Variants in CALCR observed in about 807,000 individuals in gnomAD.
The protein encoded by CALCR is calcitonin receptor.
In CALCR, 47 loss-of-function variants were observed where a neutral mutation model predicts 59.5. The observed-to-expected ratio is 0.79, with a 90% CI of 0.63 to 1.01. The LOEUF is 1.01. CALCR is among the 50% of genes least tolerant of loss of function. CALCR has a pLI of 0.00. For synonymous variants in CALCR, 213 were observed against 211.3 expected, an observed-to-expected ratio of 1.01 and a Z score of -0.07; for missense variants, 566 against 597.1, an observed-to-expected ratio of 0.95 and a Z score of 0.54.
intron 2 of CALCR, among the ~76,000 whole-genome samples, chr7:93,493,835 T>TA (rs1801138203): frequency 6.6e-6 from 1 of 151,350 alleles, no homozygotes; most frequent in Non-Finnish European, 1.5e-5. Flanking sequence ...AATTTGTGTC[T>TA]TTCTTGTTGA....
At chr7:93,462,454 T>C (rs1389900521) in intron 7 of CALCR, among the ~76,000 whole-genome samples, 3 of 152,124 alleles carry the variant, frequency 2.0e-5, no homozygotes, top group African/African-American at 7.2e-5. Flanking sequence ...AAATTACTTA[T>C]GTGAAACCTC....
chr7:93,541,876 T>C (rs1259227043), intron 2 of CALCR, among the ~76,000 whole-genome samples: 2 of 152,204 alleles, frequency 1.3e-5, no homozygotes, highest in Non-Finnish European at 2.9e-5. Flanking sequence ...GACAAATCTG[T>C]GATGTTTTTA....
chr7:93,472,154 G>A (rs750095080), intron 6 of CALCR, among the ~76,000 whole-genome samples: 14 of 151,768 alleles, frequency 9.2e-5, no homozygotes, highest in East Asian at 3.9e-4. Flanking sequence ...GTATGCTCAC[G>A]GAACTTCAAT....
intron 2 of CALCR, among the ~76,000 whole-genome samples, chr7:93,511,341 A>G (rs1801542406): frequency 6.6e-6 from 1 of 152,076 alleles, no homozygotes; most frequent in Non-Finnish European, 1.5e-5. Context: ...TTTTTATGTC[A>G]TATATATTTC....
intron 2 of CALCR, among the ~76,000 whole-genome samples, chr7:93,487,996 G>C (rs1423825305): frequency 6.6e-6 from 1 of 151,462 alleles, no homozygotes; most frequent in Non-Finnish European, 1.5e-5. Flanking sequence ...AAATATTAAG[G>C]GCAGCCAGAG....
At position 93,477,805 on chromosome 7, in the gene CALCR, A is replaced by C. The variant is rs1800699411; in HGVS notation, c.206-137T>G. ...AACCACATTTCAAACAAGCCAAGTC[A>C]TTTATTTTGGAAATAAAGTTTCAAA... is the stretch of plus-strand genomic sequence containing the variant. On this transcript the variant is annotated intron_variant, in intron 4 of 13. Transcript: ENST00000426151. The C allele has an allele frequency of 6.8e-6, 4 of 590,422 alleles. No individual in the cohort carries two copies. In the African/African-American group the frequency reaches 7.5e-5, roughly 11 times the overall value. 36.6% of individuals were successfully genotyped at this position (590,422 alleles called of 1,614,324 possible).
chr7:93,449,171 CTAATGAT>C (rs1800060830), intron 8 of CALCR, among the ~76,000 whole-genome samples: 1 of 151,998 alleles, frequency 6.6e-6, no homozygotes, highest in Non-Finnish European at 1.5e-5. Context: ...AGCATGATCT[CTAATGAT>C]TAAAGATAGT....
intron 3 of CALCR, among the ~76,000 whole-genome samples, chr7:93,480,893 G>A (rs1800780928): frequency 1.3e-5 from 2 of 151,868 alleles, no homozygotes; most frequent in Non-Finnish European, 1.5e-5. Flanking sequence ...ACATGCATGA[G>A]CCACTGTGAG....
chr7:93,433,342 T>A (rs549805516), intron 13 of CALCR, among the ~76,000 whole-genome samples: 1 of 152,198 alleles, frequency 6.6e-6, no homozygotes, highest in African/African-American at 2.4e-5. Context: ...TGATTTAAAA[T>A]GTTCAAAAAT....
At position 93,472,463 on chromosome 7, in the gene CALCR, T is replaced by C; in HGVS notation, c.341A>G (p.Glu114Gly). 1.2e-6 allele frequency: 2 copies of C among 1,606,294 alleles called. No homozygotes were observed. Among genetic ancestry groups the C allele is most frequent in the Admixed American group, 1.7e-5 (1 of 59,740 alleles). ...PSEKVTKYCD[E>G]KGVWFKHPEN... The stretch of plus-strand genomic sequence containing the variant: ...AGGATGTTTAAACCAAACACCTTTT[T>C]CATCACAGTATTTTGTAACCTTTTC... The change falls in exon 6 of 14, where the codon GAA (glutamate) becomes GGA (glycine). Residue 114 changes from glutamate to glycine, a missense_variant. By Grantham distance (98) the Glu-to-Gly change is moderately conservative. Transcript: ENST00000426151.
rs767173750 is a variant in CALCR at position 93,477,555 on chromosome 7, T to A, written c.316+3A>T. 17 of 1,580,434 alleles carry A rather than the reference T, an allele frequency of 1.1e-5. No individual in the cohort carries two copies. The South Asian group carries it at 1.9e-4, about 18-fold the overall frequency. On this transcript the variant is annotated splice_donor_region_variant and intron_variant, in intron 5 of 13. Transcript: ENST00000426151. ...GAACATAAAATGAAAATAAACACTC[T>A]ACCTGATGGATCAAAATCCGGAAAA... is the stretch of plus-strand genomic sequence containing the variant.
chr7:93,460,779 T>C, intron 8 of CALCR, 42 bp downstream of exon 8: 1 of 1,486,358 alleles, frequency 6.7e-7, no homozygotes, highest in Non-Finnish European at 9.1e-7. Flanking sequence ...AGGTACTATA[T>C]CCTTTAAAAT....
chr7:93,486,962 C>G lies in CALCR; in HGVS notation c.20G>C (p.Ser7Thr). The G allele has an allele frequency of 1.2e-6, 2 of 1,600,526 alleles. No individual in the cohort carries two copies. The highest frequency in any genetic ancestry group is 2.2e-5 in the South Asian group (2 of 89,700). The change falls in exon 3 of 14, where the codon AGC (serine) becomes ACC (threonine). Residue 7 changes from serine (S) to threonine (T), a missense_variant. Ser to Thr is a moderately conservative substitution (Grantham distance 58). Transcript: ENST00000426151. Reference sequence around the variant, plus strand: ...AAGAAGAAACAGTGCCAAGCACCGGCTTGTAAATGTGAACCTCATTTTTGA... The same window carrying G: ...AAGAAGAAACAGTGCCAAGCACCGGGTTGTAAATGTGAACCTCATTTTTGA... MRFTFT[S>T]RCLALFLLLN...
At chr7:93,563,430 A>G (rs905245300) in intron 2 of CALCR, among the ~76,000 whole-genome samples, 4 of 152,240 alleles carry the variant, frequency 2.6e-5, no homozygotes, top group Admixed American at 2.0e-4. Context: ...TAAGAGTTGT[A>G]TTTTGCATTT....
At chr7:93,454,021 C>T (rs984942476) in intron 8 of CALCR, among the ~76,000 whole-genome samples, 4 of 152,160 alleles carry the variant, frequency 2.6e-5, no homozygotes, top group African/African-American at 9.6e-5. Context: ...CATACACTTT[C>T]GTTCCCAATC....
At chr7:93,486,901 C>CATGGCTTTGAATACTTTTG in intron 3 of CALCR, 30 bp downstream of exon 3, 1 of 1,298,468 alleles carries the variant, frequency 7.7e-7, no homozygotes, top group Non-Finnish European at 1.1e-6. Context: ...TCTTCATTAG[C>CATGGCTTTGAATACTTTTG]ATGGCTTTGA....
intron 2 of CALCR, among the ~76,000 whole-genome samples, chr7:93,570,155 A>G (rs1219726332): frequency 6.6e-6 from 1 of 152,168 alleles, no homozygotes; most frequent in African/African-American, 2.4e-5. Flanking sequence ...GGATTATACC[A>G]TGAAACATCT....
intron 2 of CALCR, among the ~76,000 whole-genome samples, chr7:93,546,513 T>C (rs1404894303): frequency 6.6e-6 from 1 of 152,012 alleles, no homozygotes; most frequent in Non-Finnish European, 1.5e-5. Flanking sequence ...AAATGGTGGC[T>C]TCCCAACATT....
chr7:93,532,883 A>G (rs1788883355), intron 2 of CALCR, among the ~76,000 whole-genome samples: 1 of 146,884 alleles, frequency 6.8e-6, no homozygotes, highest in African/African-American at 2.5e-5. Context: ...AACCCTAACT[A>G]CTTTTCTTTC....
Sources: gnomAD v4.1 joint callset for allele counts (sites outside exome capture counted in the v4.1 genomes callset) on GRCh38, gnomAD v4.1.1 for gene constraint, MANE v1.5 for transcripts, NCBI Gene and HGNC (gene_info 2026-07-23, HGNC 2026-07-21) for gene names.